The following NAA16 variants were observed in gnomAD, a reference collection of about 807,000 sequenced individuals.
The protein encoded by NAA16 is N-alpha-acetyltransferase 16, NatA auxiliary subunit.
NAA16 carries 97 observed loss-of-function variants against 110.3 expected under a neutral mutation model. The observed-to-expected ratio is 0.88, with a 90% CI of 0.75 to 1.04. The LOEUF (loss-of-function observed/expected upper bound fraction) is 1.04. Ranked by LOEUF, NAA16 falls within the 50% of genes least tolerant of loss-of-function variation. NAA16 has a pLI of 0.00. For synonymous variants in NAA16, 372 were observed against 330.6 expected (o/e 1.13, Z -1.36); for missense variants, 1,017 against 1,005.1 (o/e 1.01, Z -0.16).
chr13:41,330,259 A>G (rs1361745496), intron 7 of NAA16, among the ~76,000 whole-genome samples: 1 of 151,830 alleles, frequency 6.6e-6, no homozygotes, highest in East Asian at 1.9e-4. Context: ...TTGGAGCTCC[A>G]AAACATATTA....
intron 12 of NAA16, among the ~76,000 whole-genome samples, chr13:41,361,628 TA>T (rs2043113645): frequency 6.6e-6 from 1 of 152,228 alleles, no homozygotes; most frequent in Admixed American, 6.5e-5. Flanking sequence ...TTCCATCTGA[TA>T]ACTGAGATGG....
intron 9 of NAA16, among the ~76,000 whole-genome samples, chr13:41,347,874 A>G (rs1253438021): frequency 1.3e-5 from 2 of 152,200 alleles, no homozygotes; most frequent in Non-Finnish European, 2.9e-5. Context: ...CTTCAGTACA[A>G]TATTGACTGG....
At chr13:41,351,531 C>A (rs1174463237) in intron 9 of NAA16, among the ~76,000 whole-genome samples, 1 of 152,068 alleles carries the variant, frequency 6.6e-6, no homozygotes, top group Non-Finnish European at 1.5e-5. Flanking sequence ...AAATGTGTAT[C>A]GGTTATGATG....
chr13:41,372,469 A>G (rs2043341499), intron 16 of NAA16, 158 bp downstream of exon 16: 1 of 985,164 alleles, frequency 1.0e-6, no homozygotes, highest in Non-Finnish European at 1.2e-6. Flanking sequence ...TGGGTAATAA[A>G]TTAGAATAGT....
intron 9 of NAA16, among the ~76,000 whole-genome samples, chr13:41,342,005 T>C (rs1452078989): frequency 7.2e-6 from 1 of 138,308 alleles, no homozygotes; most frequent in African/African-American, 2.7e-5. Context: ...CTAATTTTTT[T>C]GTACTTTTAG....
At chr13:41,325,930 C>T (rs564400677) in intron 6 of NAA16, 79 bp downstream of exon 6, 26 of 1,174,160 alleles carry the variant, frequency 2.2e-5, no homozygotes, top group Middle Eastern at 3.0e-4. Context: ...CTAAGTCTTA[C>T]GTAACAGTTG....
chr13:41,373,682 C>T lies in NAA16; in HGVS notation c.2201C>T (p.Ser734Phe). The change falls in exon 18 of 20, where the codon TCT becomes TTT. Residue 734 changes from serine (S) to phenylalanine (F), a missense_variant. Physicochemically the swap from Ser to Phe is radical, Grantham distance 155. Coordinates refer to ENST00000379406, the MANE Select transcript of NAA16 (RefSeq NM_024561.5). The stretch of plus-strand genomic sequence containing the variant: ...CCAGACATTGTGAGCAAAGTTCTAT[C>T]TCAAGAAATGCAGAAAATATTTGTC... ...NLPDIVSKVL[S>F]QEMQKIFVKK... is the part of the protein sequence containing the mutation. The T allele has an allele frequency of 6.2e-7, 1 of 1,610,022 alleles. No homozygotes were observed. The highest frequency in any genetic ancestry group is 8.5e-7 in the Non-Finnish European group (1 of 1,178,426).
Position 41,346,109 on chromosome 13 carries a change from G to C in NAA16, c.1015-9035G>C, listed in dbSNP as rs543597980. Among the ~76,000 whole-genome samples the C allele has an allele frequency of 2.6e-4, 39 of 152,228 alleles. 1 individual carries two copies. The highest frequency in any genetic ancestry group is 1.5e-3 in the South Asian group (7 of 4,820). On this transcript the variant is annotated intron_variant, in intron 9 of 19. Transcript: ENST00000379406. Reference sequence around the variant, plus strand: ...CAACGTCATGAAGATTTATAAACATGTTTACTTGTAAGAGTTTGCATTGAG... The same window carrying C: ...CAACGTCATGAAGATTTATAAACATCTTTACTTGTAAGAGTTTGCATTGAG...
rs182994052 is a variant in NAA16, at chr13:41,367,148, A to G, written c.1540-291A>G. Among the ~76,000 whole-genome samples, 227 of 152,320 alleles carry G rather than the reference A, an allele frequency of 1.5e-3. 2 individuals carry two copies. The highest frequency in any genetic ancestry group is 5.3e-3 in the African/African-American group (219 of 41,572). On this transcript the variant is annotated intron_variant, in intron 13 of 19. Transcript: ENST00000379406. ...TTCATTAAAACTAAAATATTAATATATACTAACTTTCAGGTTTAAAAAATA... is the reference window on the plus strand; with the variant it reads ...TTCATTAAAACTAAAATATTAATATGTACTAACTTTCAGGTTTAAAAAATA...
chr13:41,348,905 G>A (rs560437418), intron 9 of NAA16, among the ~76,000 whole-genome samples: 26 of 152,080 alleles, frequency 1.7e-4, no homozygotes, highest in South Asian at 8.3e-4. Flanking sequence ...TGTCTATTTC[G>A]TCTATGTTAT....
In NAA16 at chr13:41,373,720, G is replaced by A. The variant is rs1351496108; in HGVS notation, c.2239G>A (p.Glu747Lys). Residue 747 changes from glutamate (E) to lysine (K), a missense_variant, in exon 18 of 20, where the codon GAA becomes AAA. Glu to Lys is a moderately conservative substitution (Grantham distance 56). Transcript: ENST00000379406. ...GAAAATATTTGTCAAAAAGGATTTG[G>A]AAAGTTTTAATGAGGATTTTCTGAA... ...MQKIFVKKDL[E>K]SFNEDFLKRN... The A allele has an allele frequency of 6.2e-7, 1 of 1,610,558 alleles. No individual in the cohort carries two copies. Among genetic ancestry groups the A allele is most frequent in the Non-Finnish European group, 8.5e-7 (1 of 1,178,818 alleles).
At chr13:41,362,192 C>T in intron 13 of NAA16, 33 bp downstream of exon 13, 1 of 1,568,276 alleles carries the variant, frequency 6.4e-7, no homozygotes, top group Admixed American at 2.1e-5. Context: ...TCAGTTTTCA[C>T]TGTAAGGTGA....
intron 9 of NAA16, among the ~76,000 whole-genome samples, chr13:41,353,765 TCTTA>T (rs1159873979): frequency 1.3e-5 from 1 of 75,056 alleles, no homozygotes; most frequent in Non-Finnish European, 2.6e-5. Context: ...CGACCCTGTC[TCTTA>T]CACACACACA....
At chr13:41,324,350 A>G (rs921379746) in intron 5 of NAA16, among the ~76,000 whole-genome samples, 9 of 139,862 alleles carry the variant, frequency 6.4e-5, no homozygotes, top group Non-Finnish European at 1.1e-4. Context: ...AGGTGTTTGC[A>G]ATTTCTTTCT....
chr13:41,359,592 C>G (rs2043069439), intron 12 of NAA16, among the ~76,000 whole-genome samples: 1 of 152,124 alleles, frequency 6.6e-6, no homozygotes, highest in Non-Finnish European at 1.5e-5. Context: ...CTGTAAAAAT[C>G]AGAGATGAAA....
chr13:41,354,628 A>T (rs1195639463), intron 9 of NAA16: 1 of 152,230 alleles, frequency 6.6e-6, no homozygotes, highest in Non-Finnish European at 1.5e-5. Context: ...TTACTGTTCC[A>T]ATTTTGGTAT....
chr13:41,340,589 C>T (rs926850945), intron 9 of NAA16, among the ~76,000 whole-genome samples: 2 of 148,930 alleles, frequency 1.3e-5, no homozygotes, highest in African/African-American at 4.9e-5. Flanking sequence ...GTTATTTACC[C>T]AGTAGTCATT....
intron 8 of NAA16, among the ~76,000 whole-genome samples, chr13:41,331,615 A>G (rs186128341): frequency 2.4e-4 from 36 of 152,268 alleles, no homozygotes; most frequent in African/African-American, 8.4e-4. Context: ...TCATAGAGGT[A>G]GAAAGAATGA....
At chr13:41,331,988 A>T (rs2042251325) in intron 8 of NAA16, among the ~76,000 whole-genome samples, 1 of 152,144 alleles carries the variant, frequency 6.6e-6, no homozygotes, top group African/African-American at 2.4e-5. Context: ...TTTAGAAGGT[A>T]AATTCCCTAT....
Sources: gnomAD v4.1 joint callset for allele counts (sites outside exome capture counted in the v4.1 genomes callset) on GRCh38, gnomAD v4.1.1 for gene constraint, MANE v1.5 for transcripts, NCBI Gene and HGNC (gene_info 2026-07-23, HGNC 2026-07-21) for gene names.